MATN2: variants seen among roughly 807,000 people sequenced by gnomAD.
The protein encoded by MATN2 is matrilin-2.
Under a neutral mutation model 103.2 loss-of-function variants are expected in MATN2, and 69 were observed. The ratio of observed to expected loss-of-function variants is 0.67; its 90% CI spans 0.55 to 0.82. The LOEUF is 0.82. Ranked by LOEUF, MATN2 falls within the 40% of genes least tolerant of loss-of-function variation. The probability of loss-of-function intolerance (pLI) is 0.00; values close to 1 mark genes in which losing one functional copy is unlikely to be tolerated. For missense variants in MATN2, 1,023 were observed against 1,211.5 expected (o/e 0.84, Z 2.31); for synonymous variants, 429 against 450.2 (o/e 0.95, Z 0.60).
At chr8:97,943,936 C>A (rs1810660525) in intron 4 of MATN2, among the ~76,000 whole-genome samples, 2 of 152,212 alleles carry the variant, frequency 1.3e-5, no homozygotes, top group Non-Finnish European at 2.9e-5. Context: ...GCAAGGCCTT[C>A]CCCCACACAG....
chr8:97,998,671 AT>A lies in MATN2; in HGVS notation c.1204+4078del, dbSNP rs201060634. ...TTTTTATATTTTTAAAATTTTAAAA[AT>A]TTTTTTTTATATTTTTAAAATTGTT... On this transcript the variant is annotated intron_variant, in intron 7 of 18. Coordinates refer to ENST00000254898, the MANE Select transcript of MATN2 (RefSeq NM_002380.5). 5.1e-3 allele frequency among the ~76,000 whole-genome samples: 754 copies of A among 148,942 alleles called. 5 individuals are homozygous for A. Among genetic ancestry groups the A allele is most frequent in the African/African-American group, 0.016 (667 of 40,774 alleles).
intron 4 of MATN2, among the ~76,000 whole-genome samples, chr8:97,956,365 T>TG (rs1380367881): frequency 6.6e-6 from 1 of 152,258 alleles, no homozygotes; most frequent in East Asian, 1.9e-4. Context: ...TTAATAGAGA[T>TG]GGGGTTTCAC....
chr8:97,938,134 G>A (rs547112036), intron 3 of MATN2, among the ~76,000 whole-genome samples: 120 of 152,258 alleles, frequency 7.9e-4, no homozygotes, highest in Middle Eastern at 3.4e-3. Context: ...ATGACAGTGG[G>A]TGACTGCCGT....
intron 2 of MATN2, among the ~76,000 whole-genome samples, chr8:97,915,085 C>T (rs181304613): frequency 7.2e-4 from 109 of 152,268 alleles, no homozygotes; most frequent in African/African-American, 2.3e-3. Context: ...CTCTTGGGCT[C>T]AAGCGATCCT....
At position 97,883,802 on chromosome 8, in the gene MATN2, C is replaced by T. The variant is rs541327100; in HGVS notation, c.-26-4273C>T. ...ATCTCCTGACCTCGTGATCTGCCCA[C>T]CTCAGCTTCCCAAAGTGCTGGGATT... On this transcript the variant is annotated intron_variant, in intron 1 of 18. Transcript: ENST00000254898. 3.9e-4 allele frequency among the ~76,000 whole-genome samples: 60 copies of T among 152,250 alleles called. No homozygotes were observed. In the South Asian group the frequency reaches 4.6e-3, roughly 12 times the overall value.
intron 5 of MATN2, among the ~76,000 whole-genome samples, chr8:97,961,802 A>G (rs1481410347): frequency 6.6e-6 from 1 of 152,230 alleles, no homozygotes; most frequent in Non-Finnish European, 1.5e-5. Flanking sequence ...CATCTCTTGA[A>G]AAGGATCGGG....
intron 1 of MATN2, among the ~76,000 whole-genome samples, chr8:97,875,005 C>CGCCACTG (rs1374492825): frequency 2.6e-5 from 4 of 152,262 alleles, no homozygotes; most frequent in Admixed American, 1.3e-4. Context: ...CACAAGCCAC[C>CGCCACTG]GCCCCTGGCC....
chr8:97,975,204 A>C (rs1811795554), intron 5 of MATN2, among the ~76,000 whole-genome samples: 1 of 152,208 alleles, frequency 6.6e-6, no homozygotes, highest in East Asian at 1.9e-4. Flanking sequence ...ATCAGGATTC[A>C]TATGGTCAGA....
intron 2 of MATN2, among the ~76,000 whole-genome samples, chr8:97,908,205 C>G (rs573712726): frequency 2.0e-5 from 3 of 151,902 alleles, no homozygotes; most frequent in Non-Finnish European, 2.9e-5. Context: ...TGCAGTGAGC[C>G]AAGATTGTGC....
chr8:97,965,039 CATTTCTTACCCAGCTG>C (rs1372999729), intron 5 of MATN2, among the ~76,000 whole-genome samples: 1 of 152,162 alleles, frequency 6.6e-6, no homozygotes, highest in Admixed American at 6.5e-5. Context: ...CGACTGACCC[CATTTCTTACCCAGCTG>C]GCCTCATTTC....
chr8:98,016,628 T>C lies in MATN2; in HGVS notation c.1662T>C (p.Gly554=). The change falls in exon 11 of 19, where the codon GGT becomes GGC. Residue 554 remains glycine, a synonymous_variant. Transcript: ENST00000254898. ...EDSFVCQCFE[G]YILREDGKTC... is the part of the protein sequence containing the mutation. ...CGTTTGTGTGCCAGTGCTTTGAAGG[T>C]TATATACTCCGTGAAGATGGAAAAA... 3 of 1,612,252 alleles carry C rather than the reference T, an allele frequency of 1.9e-6. No individual in the cohort carries two copies. Among genetic ancestry groups the C allele is most frequent in the Non-Finnish European group, 2.5e-6 (3 of 1,179,038 alleles).
At chr8:97,917,905 C>T (rs749391141) in intron 2 of MATN2, among the ~76,000 whole-genome samples, 35 of 152,040 alleles carry the variant, frequency 2.3e-4, no homozygotes, top group Middle Eastern at 3.4e-3. Flanking sequence ...GGCAACATGG[C>T]GAAACCCTGT....
rs142765030 is a variant in MATN2 at position 97,987,125 on chromosome 8, G to A, written c.1082-7355G>A. On this transcript the variant is annotated intron_variant, in intron 6 of 18. Coordinates refer to ENST00000254898, the MANE Select transcript of MATN2 (RefSeq NM_002380.5). ...CAAAGTGCTGGGATTACAGGCGTGA[G>A]CCACCACACCTGGCCTACTTTTAGT... 2.5e-3 allele frequency among the ~76,000 whole-genome samples: 381 copies of A among 152,236 alleles called. 3 individuals are homozygous for A. The highest frequency in any genetic ancestry group is 8.8e-3 in the African/African-American group (366 of 41,528).
intron 1 of MATN2, among the ~76,000 whole-genome samples, chr8:97,877,898 C>G (rs1446399985): frequency 2.6e-5 from 4 of 151,946 alleles, no homozygotes; most frequent in African/African-American, 9.7e-5. Flanking sequence ...GGGGTAAGGC[C>G]CCATGCCCTG....
intron 7 of MATN2, among the ~76,000 whole-genome samples, chr8:97,998,327 T>C (rs1050327652): frequency 6.6e-6 from 1 of 150,550 alleles, no homozygotes; most frequent in Non-Finnish European, 1.5e-5. Flanking sequence ...GAGACCATCC[T>C]GGCTAACACG....
intron 6 of MATN2, among the ~76,000 whole-genome samples, chr8:97,989,468 CAA>C (rs34047188): frequency 0.39 from 51,118 of 129,600 alleles, 9,718 homozygotes; most frequent in Middle Eastern, 0.52. Context: ...GACTCCATCT[CAA>C]AAAAAAAAAA....
intron 5 of MATN2, among the ~76,000 whole-genome samples, chr8:97,977,130 G>A (rs1360702733): frequency 6.7e-6 from 1 of 148,528 alleles, no homozygotes. Context: ...CAGCTACTTG[G>A]ATGGCTGAGG....
chr8:97,965,664 A>G (rs1811455206), intron 5 of MATN2, among the ~76,000 whole-genome samples: 1 of 151,600 alleles, frequency 6.6e-6, no homozygotes, highest in Non-Finnish European at 1.5e-5. Context: ...TGAGACCCCC[A>G]TCTCTACCAA....
chr8:97,882,628 C>T (rs1563642837), intron 1 of MATN2, among the ~76,000 whole-genome samples: 1 of 152,136 alleles, frequency 6.6e-6, no homozygotes, highest in Non-Finnish European at 1.5e-5. Context: ...GTCTCCTGGG[C>T]AGCATGACCT....
Sources: gnomAD v4.1 joint callset for allele counts (sites outside exome capture counted in the v4.1 genomes callset) on GRCh38, gnomAD v4.1.1 for gene constraint, MANE v1.5 for transcripts, NCBI Gene and HGNC (gene_info 2026-07-23, HGNC 2026-07-21) for gene names.